The following SEPTIN12 variants were observed in gnomAD, a reference collection of about 807,000 sequenced individuals.
The protein encoded by SEPTIN12 is septin 12.
In SEPTIN12, 42 loss-of-function variants were observed where a neutral mutation model predicts 37.7. The observed-to-expected ratio is 1.11, with a 90% CI of 0.87 to 1.44. SEPTIN12 has a LOEUF of 1.44. SEPTIN12 is among the 40% of genes most tolerant of loss of function. SEPTIN12 has a pLI of 0.00. For synonymous variants in SEPTIN12, 254 were observed against 196.7 expected, an observed-to-expected ratio of 1.29 and a Z score of -2.44; for missense variants, 613 against 479.2, an observed-to-expected ratio of 1.28 and a Z score of -2.61.
At chr16:4,780,492 C>T (rs1380940770) in intron 7 of SEPTIN12, among the ~76,000 whole-genome samples, 2 of 152,176 alleles carry the variant, frequency 1.3e-5, no homozygotes, top group Non-Finnish European at 2.9e-5. Context: ...TGAATCATCA[C>T]AACAGAGACC....
chr16:4,790,344 G>A (rs2082532909), upstream of SEPTIN12, among the ~76,000 whole-genome samples: 2 of 152,206 alleles, frequency 1.3e-5, no homozygotes, highest in Admixed American at 6.5e-5. Flanking sequence ...CTGTGTCTAA[G>A]TAAAACCGTA....
intron 4 of SEPTIN12, among the ~76,000 whole-genome samples, chr16:4,784,553 C>G (rs144023827): frequency 7.8e-6 from 1 of 128,044 alleles, no homozygotes; most frequent in South Asian, 2.9e-4. Flanking sequence ...GAGGATCGCT[C>G]GAGCCCAGGA....
chr16:4,791,170 G>A (rs1446428614), upstream of SEPTIN12, among the ~76,000 whole-genome samples: 1 of 152,188 alleles, frequency 6.6e-6, no homozygotes, highest in Non-Finnish European at 1.5e-5. Context: ...AAATCGTGGC[G>A]GTGAGGGGAG....
Position 4,777,889 on chromosome 16 carries a change from T to A in SEPTIN12, c.985A>T (p.Asn329Tyr). Reference protein sequence around the residue: ...HLLPRGPGWVNLAPASPGQLT... With the variant: ...HLLPRGPGWVYLAPASPGQLT... Reference sequence around the variant, plus strand: ...TGTCCTGGGGAGGCCGGGGCCAGGTTCACCCAGCCGGGCCCGCGGGGCAGC... The same window carrying A: ...TGTCCTGGGGAGGCCGGGGCCAGGTACACCCAGCCGGGCCCGCGGGGCAGC... The change falls in exon 10 of 10, where the codon AAC (asparagine) becomes TAC (tyrosine). Residue 329 changes from asparagine to tyrosine, a missense_variant. By Grantham distance (143) the Asn-to-Tyr change is moderately radical. Transcript: ENST00000268231. 1 of 1,599,196 alleles carries A rather than the reference T, an allele frequency of 6.3e-7. No homozygotes were observed. The highest frequency in any genetic ancestry group is 8.5e-7 in the Non-Finnish European group (1 of 1,173,570).
At chr16:4,784,550 G>T (rs1010270006) in intron 4 of SEPTIN12, among the ~76,000 whole-genome samples, 1 of 129,642 alleles carries the variant, frequency 7.7e-6, no homozygotes, top group African/African-American at 2.7e-5. Context: ...CAGGAGGATC[G>T]CTCGAGCCCA....
chr16:4,784,249 A>G, intron 4 of SEPTIN12, 181 bp from the exon 5 acceptor site: 1 of 625,042 alleles, frequency 1.6e-6, no homozygotes, highest in Non-Finnish European at 2.8e-6. Flanking sequence ...ACACACAGGG[A>G]GACCTCCTGC....
chr16:4,787,192 T>G (rs2082468622), intron 2 of SEPTIN12, among the ~76,000 whole-genome samples: 1 of 152,116 alleles, frequency 6.6e-6, no homozygotes. Context: ...TTGTACTTTT[T>G]GTAGACATTA....
At chr16:4,790,476 G>A (rs970307576), upstream of SEPTIN12, among the ~76,000 whole-genome samples, 2 of 152,138 alleles carry the variant, frequency 1.3e-5, no homozygotes, top group Non-Finnish European at 2.9e-5. Flanking sequence ...CTTCCTGGAG[G>A]CTTAACCTTA....
In SEPTIN12 at chr16:4,783,577, GACCTC is replaced by G; in HGVS notation, c.631-25_631-21del. The stretch of plus-strand genomic sequence containing the variant: ...CTGGATCTGGAGATCCCACACAGGT[GACCTC>G]AGCCCACCCTGCCCACTCTGCCCTC... On this transcript the variant is annotated intron_variant, in intron 6 of 9. Coordinates refer to ENST00000268231, the MANE Select transcript of SEPTIN12 (RefSeq NM_144605.5). 1 of 1,612,814 alleles carries G rather than the reference GACCTC, an allele frequency of 6.2e-7. No homozygotes were observed. Among genetic ancestry groups the G allele is most frequent in the Non-Finnish European group, 8.5e-7 (1 of 1,178,864 alleles).
chr16:4,785,096 A>C (rs2082421730), intron 4 of SEPTIN12, among the ~76,000 whole-genome samples: 1 of 151,980 alleles, frequency 6.6e-6, no homozygotes, highest in Non-Finnish European at 1.5e-5. Flanking sequence ...AATAAATTCA[A>C]AAAAGTAGCC....
intron 8 of SEPTIN12, among the ~76,000 whole-genome samples, chr16:4,779,079 A>G (rs543247943): frequency 7.4e-4 from 112 of 152,246 alleles, no homozygotes; most frequent in Non-Finnish European, 1.2e-3. Flanking sequence ...CGGAGGTTGC[A>G]GTGAGCCGAG....
upstream of SEPTIN12, among the ~76,000 whole-genome samples, chr16:4,791,262 G>A (rs1196469039): frequency 6.6e-6 from 1 of 152,172 alleles, no homozygotes; most frequent in Non-Finnish European, 1.5e-5. Flanking sequence ...CTGTCATCTG[G>A]AAGGTGCTCC....
chr16:4,782,892 A>G (rs1369162069), intron 7 of SEPTIN12, among the ~76,000 whole-genome samples: 3 of 148,638 alleles, frequency 2.0e-5, no homozygotes, highest in Non-Finnish European at 3.0e-5. Context: ...GGGCTGAGCC[A>G]CTGCGCCCGG....
intron 8 of SEPTIN12, among the ~76,000 whole-genome samples, chr16:4,778,434 G>A (rs1456682309): frequency 2.6e-5 from 4 of 152,204 alleles, no homozygotes; most frequent in Admixed American, 1.3e-4. Context: ...AGCATCTGCC[G>A]ATTTTGGTAT....
chr16:4,787,367 C>G, intron 2 of SEPTIN12, 113 bp downstream of exon 2: 4 of 941,444 alleles, frequency 4.2e-6, no homozygotes, highest in South Asian at 3.9e-5. Context: ...GTGCTATTAT[C>G]AGGCCCACCT....
In SEPTIN12 at chr16:4,777,971, T is replaced by G. The variant is rs1057422158; in HGVS notation, c.903A>C (p.Ile301=). ...AGTTCTCATAGTGGATGTTGTGGGT[T>G]ATGTCCTTCAGGTCTTGGAGGTGGG... ...IRSHLQDLKD[I]THNIHYENYR... Residue 301 remains isoleucine, a synonymous_variant, in exon 10 of 10, where the codon ATA becomes ATC. Coordinates refer to ENST00000268231, the MANE Select transcript of SEPTIN12 (RefSeq NM_144605.5). 10 of 1,611,580 alleles carry G rather than the reference T, an allele frequency of 6.2e-6. No individual in the cohort carries two copies. In the African/African-American group the frequency reaches 1.3e-4, roughly 22 times the overall value.
chr16:4,786,353 CTTTT>C (rs949470758), intron 2 of SEPTIN12, among the ~76,000 whole-genome samples: 3 of 126,224 alleles, frequency 2.4e-5, no homozygotes, highest in Admixed American at 8.0e-5. Context: ...TTTTGCACTG[CTTTT>C]TTTTTTTTTT....
At chr16:4,783,857 C>G in intron 5 of SEPTIN12, 74 bp downstream of exon 5, 2 of 1,605,328 alleles carry the variant, frequency 1.2e-6, no homozygotes, top group South Asian at 2.2e-5. Flanking sequence ...AGCCGGCAGC[C>G]CATGGTGGGG....
intron 1 of SEPTIN12, 36 bp from the exon 2 acceptor site, chr16:4,787,703 G>T: frequency 1.1e-6 from 1 of 870,670 alleles, no homozygotes; most frequent in South Asian, 1.6e-5. Flanking sequence ...GGGGTCACTG[G>T]GGCTCAGAGG....
Sources: allele counts gnomAD v4.1 joint callset (sites outside exome capture counted in the v4.1 genomes callset), GRCh38; gene constraint gnomAD v4.1.1; transcripts MANE v1.5; gene names NCBI Gene and HGNC (gene_info 2026-07-23, HGNC 2026-07-21).